Variants in PASK observed in about 807,000 individuals in gnomAD.
The protein encoded by PASK is PAS domain-containing serine/threonine-protein kinase.
In PASK, 110 loss-of-function variants were observed where a neutral mutation model predicts 121.0. That is an observed-to-expected ratio of 0.91 (90% CI 0.78 to 1.06). The LOEUF is 1.06. Ranked by LOEUF, PASK falls within the 50% of genes least tolerant of loss-of-function variation. The pLI is 0.00. For synonymous variants in PASK, 686 were observed against 717.8 expected, an observed-to-expected ratio of 0.96 and a Z score of 0.71; for missense variants, 1,643 against 1,702.3, an observed-to-expected ratio of 0.97 and a Z score of 0.61.
intron 16 of PASK, 78 bp from the exon 17 acceptor site, chr2:241,107,577 C>T: frequency 7.1e-7 from 1 of 1,410,584 alleles, no homozygotes; most frequent in Non-Finnish European, 9.9e-7. Flanking sequence ...GGGTGCTCAC[C>T]ACCCCCCCGC....
At position 241,145,204 on chromosome 2, in the gene PASK, C is replaced by T. The variant is rs374723663; in HGVS notation, c.-42-2130G>A. ...CTGGGATTACAGGCGTGAGCCACCGCGCCCGGCCGACTTCTCCCTGTTTGT... is the reference window on the plus strand; with the variant it reads ...CTGGGATTACAGGCGTGAGCCACCGTGCCCGGCCGACTTCTCCCTGTTTGT... On this transcript the variant is annotated intron_variant, in intron 1 of 17. Transcript: ENST00000234040. 9.2e-5 allele frequency among the ~76,000 whole-genome samples: 14 copies of T among 152,244 alleles called. No individual in the cohort carries two copies. The South Asian group carries it at 2.5e-3, about 27-fold the overall frequency.
In PASK at chr2:241,135,944, G is replaced by A. The variant is rs775075262; in HGVS notation, c.1233C>T (p.Val411=). ...TCTCCCCACACCCACTCTCATTGCCGACGTCCAGGCAGCTGGCCAGGTCTG... is the reference window on the plus strand; with the variant it reads ...TCTCCCCACACCCACTCTCATTGCCAACGTCCAGGCAGCTGGCCAGGTCTG... ...QLPDLASCLD[V]GNESGCGERT... Residue 411 remains valine, a synonymous_variant, in exon 8 of 18, where the codon GTC becomes GTT. Coordinates refer to ENST00000234040, the MANE Select transcript of PASK (RefSeq NM_015148.4). 2.5e-5 allele frequency: 41 copies of A among 1,614,114 alleles called. No homozygotes were observed. Among genetic ancestry groups the A allele is most frequent in the Middle Eastern group, 1.6e-4 (1 of 6,062 alleles).
chr2:241,143,079 A>G lies in PASK; in HGVS notation c.-42-5T>C. Reference sequence around the variant, plus strand: ...CCAAGCTTCCAACTCTAACAACTAGAAAACAACATGAAGCTGATTAACATC... The same window carrying G: ...CCAAGCTTCCAACTCTAACAACTAGGAAACAACATGAAGCTGATTAACATC... On this transcript the variant is annotated splice_polypyrimidine_tract_variant and splice_region_variant and intron_variant, in intron 1 of 17. Coordinates refer to ENST00000234040, the MANE Select transcript of PASK (RefSeq NM_015148.4). The G allele has an allele frequency of 7.3e-7, 1 of 1,367,054 alleles. No homozygotes were observed. 84.7% of individuals were successfully genotyped at this position (1,367,054 alleles called of 1,614,324 possible).
At chr2:241,150,190 G>T, upstream of PASK, 2 of 1,273,904 alleles carry the variant, frequency 1.6e-6, no homozygotes, top group Non-Finnish European at 2.0e-6. Flanking sequence ...CTGCCTAGAC[G>T]TCCACTCCGT....
intron 1 of PASK, among the ~76,000 whole-genome samples, chr2:241,149,165 C>T (rs2067144073): frequency 1.3e-5 from 2 of 152,076 alleles, no homozygotes; most frequent in Non-Finnish European, 2.9e-5. Flanking sequence ...AAGGGCACCC[C>T]GAAGACGCTG....
intron 2 of PASK, among the ~76,000 whole-genome samples, chr2:241,142,346 T>C (rs1034304471): frequency 6.6e-6 from 1 of 152,176 alleles, no homozygotes; most frequent in Non-Finnish European, 1.5e-5. Context: ...GACGCTTCCT[T>C]CCTCACCATG....
intron 14 of PASK, chr2:241,113,397 C>T (rs2065187809): frequency 6.6e-6 from 1 of 151,796 alleles, no homozygotes; most frequent in Non-Finnish European, 1.5e-5. Context: ...TATATACATA[C>T]CTGCATATTT....
chr2:241,127,311 G>T lies in PASK; in HGVS notation c.1604C>A (p.Ser535Tyr), dbSNP rs752441496. The T allele has an allele frequency of 2.5e-6, 4 of 1,614,108 alleles. No individual in the cohort carries two copies. The Admixed American group carries it at 6.7e-5, about 27-fold the overall frequency. ...AAATGGCTTCACATCCACTGGTTCA[G>T]ACCTGCTTTCTCCCAGAAGATCCTG... ...PGQDLLGESR[S>Y]EPVDVKPFAS... is the part of the protein sequence containing the mutation. Residue 535 changes from serine (S) to tyrosine (Y), a missense_variant, in exon 10 of 18, where the codon TCT (serine) becomes TAT (tyrosine). Ser to Tyr is a moderately radical substitution (Grantham distance 144). Coordinates refer to ENST00000234040, the MANE Select transcript of PASK (RefSeq NM_015148.4).
intron 10 of PASK, 92 bp from the exon 11 acceptor site, chr2:241,124,225 C>G: frequency 4.0e-6 from 4 of 994,702 alleles, no homozygotes; most frequent in Non-Finnish European, 6.2e-6. Flanking sequence ...CAGAATGCAA[C>G]AGTCCAATCC....
At chr2:241,132,080 A>C (rs1277947918) in intron 9 of PASK, among the ~76,000 whole-genome samples, 3 of 151,232 alleles carry the variant, frequency 2.0e-5, no homozygotes, top group African/African-American at 7.3e-5. Context: ...AAAGATTCCG[A>C]AGAAGAAAAT....
chr2:241,112,631 G>A lies in PASK; in HGVS notation c.3334-192C>T, dbSNP rs764738545. On this transcript the variant is annotated intron_variant, in intron 14 of 17. Coordinates refer to ENST00000234040, the MANE Select transcript of PASK (RefSeq NM_015148.4). The surrounding 1 kb of genome is among the most constrained non-coding windows in gnomAD (Gnocchi z 5.2). ...AACAGGAAACAAAGCCCTTCAGGAG[G>A]CGTGTTCACTGGGGATGGCCACGTT... The A allele has an allele frequency of 4.4e-5, 25 of 567,886 alleles. No homozygotes were observed. Among genetic ancestry groups the A allele is most frequent in the Non-Finnish European group, 7.5e-5 (24 of 319,594 alleles). 35.2% of individuals were successfully genotyped at this position (567,886 alleles called of 1,614,324 possible).
Position 241,108,136 on chromosome 2 carries a change from C to T in PASK, c.3667+31G>A, listed in dbSNP as rs781027284. 4 of 1,612,918 alleles carry T rather than the reference C, an allele frequency of 2.5e-6. No individual in the cohort carries two copies. Among genetic ancestry groups the T allele is most frequent in the East Asian group, 4.5e-5 (2 of 44,886 alleles). On this transcript the variant is annotated intron_variant, in intron 16 of 17. Transcript: ENST00000234040. This position sits in a 1 kb window ranked among gnomAD's most constrained non-coding sequence, Gnocchi z 5.2. ...AGTGGCTGGTCTCTAAGGACAGTGT[C>T]GACTGTCTACCACTTGCAGCTCACG...
intron 8 of PASK, chr2:241,134,333 GGACA>G (rs1342254552): frequency 6.6e-6 from 1 of 152,210 alleles, no homozygotes; most frequent in African/African-American, 2.4e-5. Flanking sequence ...CTTGTATAAA[GGACA>G]GACTGAGATA....
rs756661701 is a variant in PASK, at chr2:241,115,123, C to T, written c.3253G>A (p.Gly1085Ser). The change falls in exon 14 of 18, where the codon GGC becomes AGC. Residue 1085 changes from glycine (G) to serine (S), a missense_variant. Physicochemically the swap from Gly to Ser is moderately conservative, Grantham distance 56. This residue lies in a region of PASK where 453 missense variants were observed against 511.2 expected (regional missense o/e 0.89). Coordinates refer to ENST00000234040, the MANE Select transcript of PASK (RefSeq NM_015148.4). ...GFFQLVMEKH[G>S]SGLDLFAFID... ...AAAGCGAAGAGGTCTAGGCCGGAGCCGTGCTTCTCCATCACAAGCTGGAAG... is the reference window on the plus strand; with the variant it reads ...AAAGCGAAGAGGTCTAGGCCGGAGCTGTGCTTCTCCATCACAAGCTGGAAG... 62 of 1,614,010 alleles carry T rather than the reference C, an allele frequency of 3.8e-5. No individual in the cohort carries two copies. Among genetic ancestry groups the T allele is most frequent in the Non-Finnish European group, 4.3e-5 (51 of 1,180,004 alleles).
chr2:241,146,724 T>C (rs534094221), intron 1 of PASK, among the ~76,000 whole-genome samples: 91 of 152,322 alleles, frequency 6.0e-4, no homozygotes, highest in African/African-American at 2.1e-3. Flanking sequence ...ACTTCTTAAA[T>C]AAGAGACTGG....
intron 1 of PASK, among the ~76,000 whole-genome samples, chr2:241,145,221 CCT>C (rs1354558315): frequency 6.6e-6 from 1 of 152,144 alleles, no homozygotes; most frequent in Non-Finnish European, 1.5e-5. Flanking sequence ...CCGACTTCTC[CCT>C]GTTTGTATGT....
rs752711792 is a variant in PASK, at chr2:241,142,930, C to T, written c.103G>A (p.Ala35Thr). ...GAGGAAAACGACCTGCTGGGCTCAG[C>T]AGTGGTCTGTGCAGCTGGGCCCTCT... Reference protein sequence around the residue: ...SAEGPAAQTTAEPSRSFSSAH... With the variant: ...SAEGPAAQTTTEPSRSFSSAH... The change falls in exon 2 of 18, where the codon GCT becomes ACT. Residue 35 changes from alanine to threonine, a missense_variant. Ala to Thr is a moderately conservative substitution (Grantham distance 58). This residue lies in a region of PASK where 1,176 missense variants were observed against 1,162.2 expected (regional missense o/e 1.01). Transcript: ENST00000234040. 1 of 1,613,898 alleles carries T rather than the reference C, an allele frequency of 6.2e-7. No individual in the cohort carries two copies. Among genetic ancestry groups the T allele is most frequent in the Non-Finnish European group, 8.5e-7 (1 of 1,179,908 alleles).
intron 14 of PASK, chr2:241,114,623 C>T: frequency 8.3e-6 from 9 of 1,086,338 alleles, no homozygotes; most frequent in Non-Finnish European, 1.0e-5. Flanking sequence ...ATGTCAGGAT[C>T]TCAGTTTTGC....
Position 241,133,084 on chromosome 2 carries a change from G to A in PASK, c.1307-54C>T, listed in dbSNP as rs80108863. On this transcript the variant is annotated intron_variant, in intron 8 of 17. Transcript: ENST00000234040. ...GCTCTTCACAGGCACTCCCTAAAAC[G>A]AATCTGCTCATTCGCCTGGAACTCA... 2.3e-3 allele frequency: 3,627 copies of A among 1,553,890 alleles called. 63 individuals are homozygous for A. In the African/African-American group the frequency reaches 0.034, roughly 15 times the overall value.
Sources: allele counts gnomAD v4.1 joint callset (sites outside exome capture counted in the v4.1 genomes callset), GRCh38; gene constraint gnomAD v4.1.1; regional missense constraint gnomAD v4.1.1; non-coding constraint Gnocchi (gnomAD v3.1); transcripts MANE v1.5; gene names NCBI Gene and HGNC (gene_info 2026-07-23, HGNC 2026-07-21).